Variants in PPP6R2 observed in about 807,000 individuals in gnomAD.
The protein encoded by PPP6R2 is serine/threonine-protein phosphatase 6 regulatory subunit 2.
A neutral mutation model predicts 100.2 loss-of-function variants in PPP6R2; 62 were observed. The observed-to-expected ratio is 0.62, with a 90% CI of 0.50 to 0.76. The LOEUF (loss-of-function observed/expected upper bound fraction) is 0.76. Among genes scored for constraint, PPP6R2 ranks in the 30% least tolerant of loss-of-function variants. The pLI is 0.00. For missense variants in PPP6R2, 1,142 were observed against 1,276.3 expected (o/e 0.89, Z 1.60); for synonymous variants, 525 against 514.7 (o/e 1.02, Z -0.27).
At chr22:50,427,887 A>T (rs1402438904) in intron 10 of PPP6R2, among the ~76,000 whole-genome samples, 1 of 152,120 alleles carries the variant, frequency 6.6e-6, no homozygotes, top group Non-Finnish European at 1.5e-5. Flanking sequence ...CGCGTGGCTA[A>T]TTTTTTGTAT....
chr22:50,385,094 T>G (rs1222332963), intron 2 of PPP6R2, among the ~76,000 whole-genome samples: 1 of 152,144 alleles, frequency 6.6e-6, no homozygotes, highest in African/African-American at 2.4e-5. Flanking sequence ...GATAACTCAT[T>G]AATTCACAAA....
chr22:50,430,486 G>A (rs1374259605), intron 10 of PPP6R2, among the ~76,000 whole-genome samples: 3 of 152,242 alleles, frequency 2.0e-5, no homozygotes, highest in Admixed American at 6.5e-5. Context: ...AAAATGTGTA[G>A]AATGTAGTTA....
intron 5 of PPP6R2, among the ~76,000 whole-genome samples, chr22:50,414,918 C>T (rs145806508): frequency 2.0e-5 from 3 of 152,368 alleles, no homozygotes; most frequent in South Asian, 2.1e-4. Context: ...CCCTTCTCCC[C>T]GCAGTCTCCA....
chr22:50,420,654 A>C (rs560289306), intron 8 of PPP6R2, among the ~76,000 whole-genome samples: 1 of 152,178 alleles, frequency 6.6e-6, no homozygotes, highest in African/African-American at 2.4e-5. Context: ...GATGCCCATG[A>C]GGCGCAAATG....
Position 50,381,447 on chromosome 22 carries a change from CTCAGCACCACACGGGCCCCACT to C in PPP6R2, c.-17+9319_-17+9340del, listed in dbSNP as rs1182386860. 8.9e-5 allele frequency among the ~76,000 whole-genome samples: 13 copies of C among 146,396 alleles called. No individual in the cohort carries two copies. In the East Asian group the frequency reaches 1.8e-3, roughly 21 times the overall value. On this transcript the variant is annotated intron_variant, in intron 2 of 23. Coordinates refer to ENST00000612753, the MANE Select transcript of PPP6R2 (RefSeq NM_001242898.2). ...CACCTCAGCATCACACGGGCCCCAC[CTCAGCACCACACGGGCCCCACT>C]TCAGCACCACACGGGCCCCACCTCA...
intron 2 of PPP6R2, among the ~76,000 whole-genome samples, chr22:50,392,555 C>T (rs972916231): frequency 2.6e-5 from 4 of 152,162 alleles, no homozygotes; most frequent in African/African-American, 9.7e-5. Context: ...GCAGCTGTCG[C>T]GTGCTGGGGA....
rs558385772 is a variant in PPP6R2, at chr22:50,423,867, T to C, written c.1125+253T>C. On this transcript the variant is annotated intron_variant, in intron 10 of 23. Coordinates refer to ENST00000612753, the MANE Select transcript of PPP6R2 (RefSeq NM_001242898.2). The surrounding 1 kb of genome is among the most constrained non-coding windows in gnomAD (Gnocchi z 4.8). ...AATTGCCCTGAAAGCAGAAGGCGGA[T>C]TTCTAACCCGGTTTGATGGAATAGA... Among the ~76,000 whole-genome samples the C allele has an allele frequency of 6.6e-6, 1 of 152,342 alleles. No homozygotes were observed. Among genetic ancestry groups the C allele is most frequent in the East Asian group, 1.9e-4 (1 of 5,182 alleles).
the PPP6R2 span, among the ~76,000 whole-genome samples, chr22:50,333,605 TAC>T: frequency 6.6e-6 from 1 of 152,236 alleles, no homozygotes; most frequent in African/African-American, 2.4e-5. Flanking sequence ...GTGCTGGGAT[TAC>T]AGTCATGAGC....
the PPP6R2 span, among the ~76,000 whole-genome samples, chr22:50,333,842 C>G: frequency 6.6e-6 from 1 of 151,904 alleles, no homozygotes; most frequent in Admixed American, 6.6e-5. Flanking sequence ...CTGGCAGCAC[C>G]GTTATTTATT....
intron 8 of PPP6R2, among the ~76,000 whole-genome samples, chr22:50,421,809 A>G (rs2147790152): frequency 1.3e-5 from 2 of 152,282 alleles, no homozygotes; most frequent in East Asian, 1.9e-4. Context: ...TGGAGGTTGC[A>G]GTGAGCTAAG....
chr22:50,443,611 G>GGATCTGA, intron 22 of PPP6R2: 1 of 558,846 alleles, frequency 1.8e-6, no homozygotes, highest in Non-Finnish European at 3.2e-6. Context: ...ATGATGAGCA[G>GGATCTGA]GATCTGAGTG....
intron 16 of PPP6R2, 95 bp from the exon 17 acceptor site, chr22:50,437,748 T>C: frequency 6.9e-7 from 1 of 1,450,704 alleles, no homozygotes; most frequent in Admixed American, 2.0e-5. Context: ...GTGAGGGTGC[T>C]GAGGCCCCCG....
rs542169248 is a variant in PPP6R2, at chr22:50,410,230, G to A, written c.414+3355G>A. ...CTGTAGTTGGGTCTGACAAACTGTGGTCCACAGGCCAAAAGCAGCCATCAC... is the reference window on the plus strand; with the variant it reads ...CTGTAGTTGGGTCTGACAAACTGTGATCCACAGGCCAAAAGCAGCCATCAC... On this transcript the variant is annotated intron_variant, in intron 4 of 23. Transcript: ENST00000612753. Among the ~76,000 whole-genome samples, 40 of 152,168 alleles carry A rather than the reference G, an allele frequency of 2.6e-4. No homozygotes were observed. The South Asian group carries it at 7.9e-3, about 30-fold the overall frequency.
intron 9 of PPP6R2, 103 bp downstream of exon 9, chr22:50,422,483 G>A: frequency 6.8e-7 from 1 of 1,471,208 alleles, no homozygotes; most frequent in Non-Finnish European, 9.2e-7. Context: ...AGCAGAGTGT[G>A]GAGTGAATGT....
the PPP6R2 span, among the ~76,000 whole-genome samples, chr22:50,333,171 G>A: frequency 9.9e-5 from 15 of 151,768 alleles, no homozygotes; most frequent in South Asian, 2.7e-3. Context: ...TAGCACTTCT[G>A]TTAAAAAAAT....
upstream of PPP6R2, among the ~76,000 whole-genome samples, chr22:50,338,399 G>A (rs568543842): frequency 6.6e-5 from 9 of 137,090 alleles, no homozygotes; most frequent in South Asian, 1.3e-3. Flanking sequence ...GTGGTATGTG[G>A]TGTGTGTGGT....
At chr22:50,441,693 T>G (rs564907849) in intron 22 of PPP6R2, among the ~76,000 whole-genome samples, 23 of 151,488 alleles carry the variant, frequency 1.5e-4, no homozygotes, top group African/African-American at 5.6e-4. Context: ...GGGGAGAGAG[T>G]GGAGAGGGAG....
At chr22:50,371,259 G>A (rs771323143) in intron 1 of PPP6R2, among the ~76,000 whole-genome samples, 43 of 152,220 alleles carry the variant, frequency 2.8e-4, no homozygotes, top group African/African-American at 4.8e-4. Context: ...AGCAGGCTGT[G>A]GCAGGAGGAT....
intron 2 of PPP6R2, among the ~76,000 whole-genome samples, chr22:50,372,799 C>A (rs2050555784): frequency 2.0e-5 from 3 of 151,620 alleles, no homozygotes; most frequent in Non-Finnish European, 2.9e-5. Flanking sequence ...AGCGATTCTT[C>A]TTCCTCAGCC....
Sources: gnomAD v4.1 joint callset for allele counts (sites outside exome capture counted in the v4.1 genomes callset) on GRCh38, gnomAD v4.1.1 for gene constraint, Gnocchi (gnomAD v3.1) non-coding constraint, MANE v1.5 for transcripts, NCBI Gene and HGNC (gene_info 2026-07-23, HGNC 2026-07-21) for gene names.